The following TRPC6 variants were observed in gnomAD, a reference collection of about 807,000 sequenced individuals.
TRPC6 encodes the protein transient receptor potential cation channel subfamily C member 6, also known as short transient receptor potential channel 6.
A neutral mutation model predicts 90.7 loss-of-function variants in TRPC6; 55 were observed. The ratio of observed to expected loss-of-function variants is 0.61; its 90% CI spans 0.49 to 0.76. The LOEUF (loss-of-function observed/expected upper bound fraction) is 0.76, where lower values mean the gene tolerates loss of function less well. TRPC6 is among the 30% of genes least tolerant of loss of function. The pLI, the probability that TRPC6 is intolerant of heterozygous loss-of-function variation, is 0.00. For missense variants in TRPC6, 989 were observed against 1,122.7 expected (o/e 0.88, Z 1.70); for synonymous variants, 393 against 393.0 (o/e 1.00, Z 0.00).
chr11:101,473,455 C>CTAAT, intron 7 of TRPC6, 54 bp downstream of exon 7: 1 of 1,592,670 alleles, frequency 6.3e-7, no homozygotes, highest in South Asian at 1.1e-5. Context: ...CGCTGTTAAA[C>CTAAT]TAATATTTAT....
intron 2 of TRPC6, 107 bp downstream of exon 2, chr11:101,503,917 C>T (rs1860191958): frequency 2.2e-6 from 3 of 1,354,602 alleles, no homozygotes; most frequent in Admixed American, 3.4e-5. Flanking sequence ...TATAAAATGA[C>T]CTAGTGTCCA....
At chr11:101,479,443 TCTC>T (rs1310805168) in intron 5 of TRPC6, among the ~76,000 whole-genome samples, 11 of 152,194 alleles carry the variant, frequency 7.2e-5, no homozygotes, top group Non-Finnish European at 1.6e-4. Flanking sequence ...CTTGTCAACA[TCTC>T]CTAACACATC....
Position 101,483,121 on chromosome 11 carries a change from G to A in TRPC6, c.1338C>T (p.His446=), listed in dbSNP as rs112258968. 7.1e-4 allele frequency: 1,139 copies of A among 1,613,992 alleles called. 12 individuals carry two copies. The African/African-American group carries it at 0.013, about 19-fold the overall frequency. ...CCAGAAAAATGGTGAAGGAGGCTGC[G>A]TGTGCTACAAACTTCATGAATGGTC... is the stretch of plus-strand genomic sequence containing the variant. ...MRGPFMKFVA[H]AASFTIFLGL... The change falls in exon 5 of 13, where the codon CAC becomes CAT. Residue 446 remains histidine (H), a synonymous_variant. Transcript: ENST00000344327.
chr11:101,545,715 C>T lies in TRPC6; in HGVS notation c.170+37619G>A, dbSNP rs79817589. ...ATTTAGCTAACACATTAGGAGTTGC[C>T]CCCTATTTCTTAAAATAATTTTTAG... On this transcript the variant is annotated intron_variant, in intron 1 of 12. Transcript: ENST00000344327. 1.3e-3 allele frequency among the ~76,000 whole-genome samples: 202 copies of T among 152,154 alleles called. 2 individuals carry two copies. The highest frequency in any genetic ancestry group is 4.7e-3 in the African/African-American group (196 of 41,512).
intron 6 of TRPC6, among the ~76,000 whole-genome samples, chr11:101,475,903 TACAC>T (rs1049102081): frequency 4.0e-5 from 6 of 150,618 alleles, no homozygotes; most frequent in Admixed American, 1.3e-4. Flanking sequence ...TGTGCATATA[TACAC>T]ACACGTGTAT....
At chr11:101,547,840 G>T (rs1029461121) in intron 1 of TRPC6, among the ~76,000 whole-genome samples, 1 of 152,112 alleles carries the variant, frequency 6.6e-6, no homozygotes, top group Non-Finnish European at 1.5e-5. Context: ...CCTGCTGCCT[G>T]TCTCCTCCTA....
At chr11:101,542,792 A>G (rs972929739) in intron 1 of TRPC6, among the ~76,000 whole-genome samples, 7 of 152,060 alleles carry the variant, frequency 4.6e-5, no homozygotes, top group Non-Finnish European at 1.0e-4. Context: ...AGACACATCT[A>G]AACAGATTAA....
In TRPC6 at chr11:101,533,916, C is replaced by G. The variant is rs562332588; in HGVS notation, c.171-29118G>C. Among the ~76,000 whole-genome samples the G allele has an allele frequency of 2.0e-5, 3 of 152,272 alleles. No individual in the cohort carries two copies. In the South Asian group the frequency reaches 6.2e-4, roughly 32 times the overall value. On this transcript the variant is annotated intron_variant, in intron 1 of 12. Coordinates refer to ENST00000344327, the MANE Select transcript of TRPC6 (RefSeq NM_004621.6). ...GGCTCCATAATGTATTGGCTTACAG[C>G]TGATGATCATCCACTCCTGTAACTC...
At chr11:101,579,947 G>A (rs1411616690) in intron 1 of TRPC6, among the ~76,000 whole-genome samples, 4 of 151,868 alleles carry the variant, frequency 2.6e-5, no homozygotes, top group African/African-American at 7.3e-5. Flanking sequence ...ATCTATACTC[G>A]CTTTTAATGT....
chr11:101,463,172 G>A (rs780994353), intron 10 of TRPC6, among the ~76,000 whole-genome samples: 39 of 152,170 alleles, frequency 2.6e-4, no homozygotes, highest in Non-Finnish European at 5.0e-4. Context: ...CTTGATCATG[G>A]TGGATAAGCT....
chr11:101,491,688 G>A lies in TRPC6; in HGVS notation c.996C>T (p.Leu332=), dbSNP rs200144852. 518 of 1,613,974 alleles carry A rather than the reference G, an allele frequency of 3.2e-4. 5 individuals carry two copies. The South Asian group carries it at 5.4e-3, about 17-fold the overall frequency. The change falls in exon 3 of 13, where the codon CTC becomes CTT. Residue 332 remains leucine, a synonymous_variant. Transcript: ENST00000344327. ...SMQCKDFVVG[L]LDLCRNTEEV... ...CTTCAGTGTTTCTGCACAGATCAAGGAGTCCAACAACAAAGTCTTTGCACT... is the reference window on the plus strand; with the variant it reads ...CTTCAGTGTTTCTGCACAGATCAAGAAGTCCAACAACAAAGTCTTTGCACT...
At chr11:101,580,822 T>A (rs1199075968) in intron 1 of TRPC6, among the ~76,000 whole-genome samples, 1 of 152,152 alleles carries the variant, frequency 6.6e-6, no homozygotes, top group African/African-American at 2.4e-5. Context: ...CTTTCAGAAA[T>A]GATACACCTC....
intron 1 of TRPC6, among the ~76,000 whole-genome samples, chr11:101,570,913 A>T (rs1477480025): frequency 6.6e-6 from 1 of 152,210 alleles, no homozygotes; most frequent in East Asian, 1.9e-4. Context: ...AGCCAATATC[A>T]TACTGAATGG....
intron 1 of TRPC6, among the ~76,000 whole-genome samples, chr11:101,527,561 G>A (rs1027248423): frequency 6.6e-6 from 1 of 152,126 alleles, no homozygotes; most frequent in African/African-American, 2.4e-5. Flanking sequence ...TGGTTGGGGG[G>A]TGGTGTGCAC....
chr11:101,498,745 A>C (rs1364362594), intron 2 of TRPC6, among the ~76,000 whole-genome samples: 1 of 152,140 alleles, frequency 6.6e-6, no homozygotes, highest in Non-Finnish European at 1.5e-5. Flanking sequence ...TGGCTGTAGA[A>C]TATGGATAAT....
chr11:101,562,669 C>T lies in TRPC6; in HGVS notation c.170+20665G>A, dbSNP rs138932440. On this transcript the variant is annotated intron_variant, in intron 1 of 12. Coordinates refer to ENST00000344327, the MANE Select transcript of TRPC6 (RefSeq NM_004621.6). ...GAGCTGAAGCATAATAGGAAAAGTG[C>T]CTTTGTCCTTCTTTCTGACCCCTGT... 2.0e-3 allele frequency among the ~76,000 whole-genome samples: 306 copies of T among 152,164 alleles called. 3 individuals are homozygous for T. Among genetic ancestry groups the T allele is most frequent in the African/African-American group, 7.1e-3 (293 of 41,524 alleles).
chr11:101,496,033 T>C (rs923613899), intron 2 of TRPC6, among the ~76,000 whole-genome samples: 3 of 151,914 alleles, frequency 2.0e-5, no homozygotes, highest in African/African-American at 7.3e-5. Context: ...CTTACAATCA[T>C]GGCGGAAGGC....
intron 7 of TRPC6, 70 bp downstream of exon 7, chr11:101,473,439 C>T: frequency 3.2e-6 from 5 of 1,560,318 alleles, no homozygotes; most frequent in Admixed American, 1.7e-5. Context: ...CATGGACTTA[C>T]ATAAACGCTG....
intron 1 of TRPC6, among the ~76,000 whole-genome samples, chr11:101,545,107 C>A (rs1861271925): frequency 6.6e-6 from 1 of 152,156 alleles, no homozygotes; most frequent in Non-Finnish European, 1.5e-5. Context: ...TATACACACA[C>A]ACATACACAC....
Sources: allele counts gnomAD v4.1 joint callset (sites outside exome capture counted in the v4.1 genomes callset), GRCh38; gene constraint gnomAD v4.1.1; transcripts MANE v1.5; gene names NCBI Gene and HGNC (gene_info 2026-07-23, HGNC 2026-07-21).